The following CCDC3 variants were observed in gnomAD, a reference collection of about 807,000 sequenced individuals.
CCDC3 encodes coiled-coil domain containing 3, also known as coiled-coil domain-containing protein 3.
CCDC3 carries 24 observed loss-of-function variants against 21.4 expected under a neutral mutation model. The observed-to-expected ratio is 1.12, with a 90% confidence interval of 0.81 to 1.58. The LOEUF is 1.58. Ranked by LOEUF, CCDC3 falls within the 40% of genes most tolerant of loss-of-function variation. CCDC3 has a pLI of 0.00. For missense variants in CCDC3, 425 were observed against 360.9 expected (o/e 1.18, Z -1.44); for synonymous variants, 186 against 166.0 (o/e 1.12, Z -0.93).
intron 2 of CCDC3, among the ~76,000 whole-genome samples, chr10:12,984,405 A>G (rs904012831): frequency 2.0e-5 from 3 of 152,210 alleles, no homozygotes; most frequent in African/African-American, 7.2e-5. Flanking sequence ...ATAGACAATA[A>G]CAACTACTAG....
intron 2 of CCDC3, among the ~76,000 whole-genome samples, chr10:12,913,351 T>C (rs1350730605): frequency 6.6e-6 from 1 of 152,234 alleles, no homozygotes; most frequent in African/African-American, 2.4e-5. Flanking sequence ...CTATTGTAAA[T>C]AGGATTGTTT....
intron 3 of CCDC3, among the ~76,000 whole-genome samples, chr10:13,082,479 A>G (rs1007041472): frequency 1.3e-5 from 2 of 152,384 alleles, no homozygotes; most frequent in Middle Eastern, 3.4e-3. Context: ...GCACAGCATC[A>G]CAGGGAGACG....
chr10:12,913,421 G>A (rs777612546), intron 2 of CCDC3, among the ~76,000 whole-genome samples: 15 of 152,180 alleles, frequency 9.9e-5, no homozygotes, highest in Non-Finnish European at 1.6e-4. Flanking sequence ...TGATTTTTGT[G>A]TGTTGATTTT....
chr10:13,094,548 C>T (rs1366692661), intron 3 of CCDC3, among the ~76,000 whole-genome samples: 4 of 152,078 alleles, frequency 2.6e-5, no homozygotes, highest in East Asian at 1.9e-4. Flanking sequence ...AGCCACTGTG[C>T]CCGGCCTATT....
chr10:12,909,898 A>C (rs1834238972), intron 2 of CCDC3, among the ~76,000 whole-genome samples: 1 of 152,196 alleles, frequency 6.6e-6, no homozygotes, highest in Non-Finnish European at 1.5e-5. Context: ...TGAAAAAGGC[A>C]GTGAAAGGCC....
intron 5 of CCDC3, among the ~76,000 whole-genome samples, chr10:13,042,500 GC>G (rs1461995830): frequency 2.0e-5 from 3 of 152,228 alleles, no homozygotes; most frequent in Admixed American, 6.5e-5. Flanking sequence ...CCTGGTTGAA[GC>G]CAAATATTGT....
At chr10:13,038,341 G>A (rs1469007296) in intron 5 of CCDC3, among the ~76,000 whole-genome samples, 1 of 137,888 alleles carries the variant, frequency 7.3e-6, no homozygotes, top group East Asian at 2.1e-4. Context: ...TGCACATCCT[G>A]CACATGTACC....
chr10:13,004,531 T>C (rs1407185477), upstream of CCDC3, among the ~76,000 whole-genome samples: 5 of 151,536 alleles, frequency 3.3e-5, no homozygotes, highest in African/African-American at 1.2e-4. Context: ...GTCCAGAATG[T>C]GTCTATTTCA....
At chr10:13,087,444 A>G (rs564975109) in intron 3 of CCDC3, among the ~76,000 whole-genome samples, 21 of 151,066 alleles carry the variant, frequency 1.4e-4, no homozygotes, top group Non-Finnish European at 2.8e-4. Flanking sequence ...AGTGCTGACG[A>G]TATCTGGCCC....
intron 2 of CCDC3, among the ~76,000 whole-genome samples, chr10:12,918,688 A>G (rs1834397394): frequency 6.6e-6 from 1 of 152,162 alleles, no homozygotes; most frequent in African/African-American, 2.4e-5. Flanking sequence ...CATCTACCCC[A>G]TGTAACACTA....
At chr10:12,933,050 T>C (rs1317701340) in intron 2 of CCDC3, among the ~76,000 whole-genome samples, 1 of 152,260 alleles carries the variant, frequency 6.6e-6, no homozygotes, top group Non-Finnish European at 1.5e-5. Flanking sequence ...TACTGTTGGA[T>C]TTGATTTGCA....
At chr10:13,027,730 A>AC (rs1211443993) in intron 5 of CCDC3, among the ~76,000 whole-genome samples, 5 of 149,114 alleles carry the variant, frequency 3.4e-5, no homozygotes, top group South Asian at 2.1e-4. Context: ...TAAAAAAAAA[A>AC]AACAAAAAAA....
chr10:12,980,652 T>C (rs1313339768), intron 2 of CCDC3, among the ~76,000 whole-genome samples: 1 of 152,172 alleles, frequency 6.6e-6, no homozygotes, highest in Admixed American at 6.5e-5. Context: ...GCAAACTTTC[T>C]GCTTCCAACA....
intron 2 of CCDC3, among the ~76,000 whole-genome samples, chr10:12,982,094 C>A (rs1172372175): frequency 8.4e-6 from 1 of 119,496 alleles, no homozygotes; most frequent in Admixed American, 1.1e-4. Context: ...TGCACTCTAG[C>A]CTGGGAGACA....
chr10:12,991,325 G>GT lies in CCDC3; in HGVS notation c.549+7012dup, dbSNP rs113129444. Among the ~76,000 whole-genome samples the GT allele has an allele frequency of 9.4e-3, 1,406 of 148,786 alleles. 25 individuals are homozygous for GT. Among genetic ancestry groups the GT allele is most frequent in the African/African-American group, 0.033 (1,340 of 40,268 alleles). On this transcript the variant is annotated intron_variant, in intron 2 of 2. Transcript: ENST00000378825. The stretch of plus-strand genomic sequence containing the variant: ...ATGTTTTTTTTGTTGTTGTTGTTTT[G>GT]TTTTTTTTTCCTTGAGAGGGAGTCT...
At chr10:13,047,102 A>G (rs536498863) in intron 5 of CCDC3, among the ~76,000 whole-genome samples, 22 of 152,342 alleles carry the variant, frequency 1.4e-4, no homozygotes, top group Non-Finnish European at 7.3e-5. Flanking sequence ...CAGAACAGAG[A>G]GACTCCATTT....
intron 2 of CCDC3, among the ~76,000 whole-genome samples, chr10:12,962,755 A>G (rs1835199664): frequency 6.6e-6 from 1 of 152,234 alleles, no homozygotes; most frequent in African/African-American, 2.4e-5. Flanking sequence ...AGGGATTTTT[A>G]AGTGTGAAAA....
intron 4 of CCDC3, among the ~76,000 whole-genome samples, chr10:13,060,978 G>C (rs138484747): frequency 2.0e-5 from 3 of 152,286 alleles, no homozygotes; most frequent in Non-Finnish European, 4.4e-5. Context: ...GGTAATAAAG[G>C]CATGGCCCAA....
chr10:13,063,338 C>T (rs1836784478), intron 4 of CCDC3, among the ~76,000 whole-genome samples: 1 of 102,852 alleles, frequency 9.7e-6, no homozygotes, highest in Admixed American at 9.9e-5. Context: ...AATTTTCCAT[C>T]CTCTATTTGA....
Sources: gnomAD v4.1 joint callset for allele counts (sites outside exome capture counted in the v4.1 genomes callset) on GRCh38, gnomAD v4.1.1 for gene constraint, MANE v1.5 for transcripts, NCBI Gene and HGNC (gene_info 2026-07-23, HGNC 2026-07-21) for gene names.